The following IL22RA2 variants were observed in gnomAD, a reference collection of about 807,000 sequenced individuals.
IL22RA2 encodes interleukin 22 receptor subunit alpha 2.
In IL22RA2, 39 loss-of-function variants were observed where a neutral mutation model predicts 30.7. The observed-to-expected ratio is 1.27, with a 90% CI of 0.98 to 1.66. The LOEUF is 1.66. Ranked by LOEUF, IL22RA2 falls within the 40% of genes most tolerant of loss-of-function variation. The pLI, the probability that IL22RA2 is intolerant of heterozygous loss-of-function variation, is 0.00. For synonymous variants in IL22RA2, 103 were observed against 105.0 expected (o/e 0.98, Z 0.11); for missense variants, 315 against 312.7 (o/e 1.01, Z -0.05).
At chr6:137,164,258 G>C (rs1023753412) in intron 1 of IL22RA2, among the ~76,000 whole-genome samples, 3 of 152,206 alleles carry the variant, frequency 2.0e-5, no homozygotes, top group East Asian at 3.9e-4. Flanking sequence ...CAGCCAAGGG[G>C]ACAATAGACA....
rs533731420 is a variant in IL22RA2 at position 137,154,946 on chromosome 6, C to T, written c.467G>A (p.Trp156Ter). The T allele has an allele frequency of 6.2e-7, 1 of 1,613,988 alleles. No homozygotes were observed. The highest frequency in any genetic ancestry group is 1.1e-5 in the South Asian group (1 of 91,072). Reference sequence around the variant, plus strand: ...AGAAACTCCATGGAACTCACTTTCCCACCAGGGAGTGAACCGCGGCGTCAT... The same window carrying T: ...AGAAACTCCATGGAACTCACTTTCCTACCAGGGAGTGAACCGCGGCGTCAT... ...WSMTPRFTPW[W>*]ETKIDPPVMN... The change falls in exon 5 of 7, where the codon TGG becomes TAG. Residue 156 changes from tryptophan to a stop codon, truncating the protein, a stop_gained. Transcript: ENST00000296980. LOFTEE classifies it high-confidence loss of function.
rs1259947043 is a variant in IL22RA2 at position 137,156,741 on chromosome 6, T to A, written c.293+18A>T. ...AGAACACCTGAGGCTAGGTAATTGA[T>A]AAGGAAAAGAGGTGTACTTAGCCAA... On this transcript the variant is annotated intron_variant, in intron 4 of 6. Coordinates refer to ENST00000296980, the MANE Select transcript of IL22RA2 (RefSeq NM_052962.3). 6.2e-7 allele frequency: 1 copy of A among 1,607,302 alleles called. No individual in the cohort carries two copies. Among genetic ancestry groups the A allele is most frequent in the Non-Finnish European group, 8.5e-7 (1 of 1,174,314 alleles).
At chr6:137,162,690 G>A (rs1778545913) in intron 1 of IL22RA2, among the ~76,000 whole-genome samples, 3 of 152,052 alleles carry the variant, frequency 2.0e-5, no homozygotes, top group Non-Finnish European at 2.9e-5. Context: ...AAAAAGTCAT[G>A]TTCCATAGTG....
chr6:137,169,519 A>G (rs994293887), intron 1 of IL22RA2, among the ~76,000 whole-genome samples: 58 of 152,220 alleles, frequency 3.8e-4, no homozygotes, highest in African/African-American at 1.4e-3. Flanking sequence ...TGAAGGCAGA[A>G]AAAGAGTCAA....
At chr6:137,167,749 C>T (rs1167406105) in intron 1 of IL22RA2, among the ~76,000 whole-genome samples, 1 of 152,230 alleles carries the variant, frequency 6.6e-6, no homozygotes, top group Non-Finnish European at 1.5e-5. Context: ...GACCACTCAA[C>T]ATGGCTGATC....
Position 137,144,635 on chromosome 6 carries a change from T to G in IL22RA2, c.*989A>C, listed in dbSNP as rs1778136575. The stretch of plus-strand genomic sequence containing the variant: ...TGTAGGCACCTACCAACACCGGTCC[T>G]TCTCCTGCTACCCACTGTGTGCTTC... On this transcript the variant is annotated 3_prime_UTR_variant, in exon 7 of 7. Transcript: ENST00000296980. 6.6e-6 allele frequency: 1 copy of G among 152,308 alleles called. No individual in the cohort carries two copies. Among genetic ancestry groups the G allele is most frequent in the Non-Finnish European group, 1.5e-5 (1 of 68,104 alleles). 9.4% of individuals were successfully genotyped at this position (152,308 alleles called of 1,614,324 possible).
At chr6:137,145,868 G>T in intron 6 of IL22RA2, 95 bp from the exon 7 acceptor site, 1 of 1,272,840 alleles carries the variant, frequency 7.9e-7, no homozygotes, top group Non-Finnish European at 1.1e-6. Context: ...CATGGTCACA[G>T]CAGTAGATGG....
intron 1 of IL22RA2, among the ~76,000 whole-genome samples, chr6:137,171,627 G>A (rs1038102192): frequency 6.6e-6 from 1 of 152,212 alleles, no homozygotes; most frequent in African/African-American, 2.4e-5. Flanking sequence ...AGACACTCGG[G>A]TGCCTGAGAC....
intron 2 of IL22RA2, among the ~76,000 whole-genome samples, chr6:137,159,462 A>C (rs1395640014): frequency 6.6e-6 from 1 of 152,088 alleles, no homozygotes; most frequent in African/African-American, 2.4e-5. Context: ...CTGGGATTAC[A>C]GGTGCCCGCC....
chr6:137,171,763 T>A (rs1778739222), intron 1 of IL22RA2, among the ~76,000 whole-genome samples: 1 of 152,194 alleles, frequency 6.6e-6, no homozygotes, highest in Non-Finnish European at 1.5e-5. Flanking sequence ...CCACTATCAA[T>A]TTTCATTTAA....
intron 2 of IL22RA2, among the ~76,000 whole-genome samples, chr6:137,160,666 A>G (rs1778503433): frequency 6.6e-6 from 1 of 152,238 alleles, no homozygotes; most frequent in Admixed American, 6.5e-5. Context: ...CACTATGTTC[A>G]AAGCTTTACA....
intron 1 of IL22RA2, among the ~76,000 whole-genome samples, chr6:137,168,614 T>A (rs1167597861): frequency 6.6e-6 from 1 of 152,104 alleles, no homozygotes. Flanking sequence ...GGACCACACA[T>A]GAATTTAATC....
intron 3 of IL22RA2, among the ~76,000 whole-genome samples, chr6:137,157,899 T>C (rs186781675): frequency 5.9e-5 from 9 of 152,334 alleles, no homozygotes; most frequent in African/African-American, 1.9e-4. Context: ...ATTTTCTAAA[T>C]AGTAAATCCA....
intron 1 of IL22RA2, among the ~76,000 whole-genome samples, chr6:137,172,416 G>A (rs1371239430): frequency 6.6e-6 from 1 of 152,182 alleles, no homozygotes; most frequent in African/African-American, 2.4e-5. Context: ...CTCTAGTTGT[G>A]TAATAGAACC....
intron 1 of IL22RA2, among the ~76,000 whole-genome samples, chr6:137,172,651 G>C (rs944674550): frequency 5.9e-5 from 9 of 152,106 alleles, no homozygotes; most frequent in Non-Finnish European, 8.8e-5. Context: ...CCCCGACCTC[G>C]GCCCCACTCC....
chr6:137,171,048 C>T (rs1406664517), intron 1 of IL22RA2, among the ~76,000 whole-genome samples: 1 of 152,180 alleles, frequency 6.6e-6, no homozygotes, highest in Non-Finnish European at 1.5e-5. Flanking sequence ...TTTCTATTTT[C>T]TCTTGTATAG....
At position 137,168,536 on chromosome 6, in the gene IL22RA2, C is replaced by A. The variant is rs114922780; in HGVS notation, c.-66+4877G>T. On this transcript the variant is annotated intron_variant, in intron 1 of 6. Coordinates refer to ENST00000296980, the MANE Select transcript of IL22RA2 (RefSeq NM_052962.3). Reference sequence around the variant, plus strand: ...GTAAAAATCTAGGACAAGAAAGAGTCAGCAGCAGAGCCACCAAGGCCATAA... The same window carrying A: ...GTAAAAATCTAGGACAAGAAAGAGTAAGCAGCAGAGCCACCAAGGCCATAA... Among the ~76,000 whole-genome samples the A allele has an allele frequency of 7.9e-3, 1,201 of 152,262 alleles. 17 individuals carry two copies. Among genetic ancestry groups the A allele is most frequent in the African/African-American group, 0.028 (1,153 of 41,540 alleles).
At chr6:137,150,480 ATTTTT>A (rs61381227) in intron 5 of IL22RA2, among the ~76,000 whole-genome samples, 3 of 100,520 alleles carry the variant, frequency 3.0e-5, no homozygotes, top group African/African-American at 1.2e-4. Context: ...TTCTTTTCTG[ATTTTT>A]TTTTTTTTTT....
chr6:137,154,062 A>G (rs953686106), intron 5 of IL22RA2, among the ~76,000 whole-genome samples: 5 of 151,642 alleles, frequency 3.3e-5, no homozygotes, highest in African/African-American at 1.2e-4. Context: ...CTACTATTTT[A>G]TCCAATGTCT....
Sources: gnomAD v4.1 joint callset for allele counts (sites outside exome capture counted in the v4.1 genomes callset) on GRCh38, gnomAD v4.1.1 for gene constraint, MANE v1.5 for transcripts, NCBI Gene and HGNC (gene_info 2026-07-23, HGNC 2026-07-21) for gene names.